PCDHGB6: variants seen among roughly 807,000 people sequenced by gnomAD.
PCDHGB6 encodes the protein protocadherin gamma-B6.
In PCDHGB6, 51 loss-of-function variants were observed where a neutral mutation model predicts 59.1. The observed-to-expected ratio is 0.86, with a 90% CI of 0.69 to 1.09. The LOEUF is 1.09. PCDHGB6 is among the 50% of genes least tolerant of loss of function. The pLI is 0.00. For synonymous variants in PCDHGB6, 466 were observed against 495.1 expected (o/e 0.94, Z 0.78); for missense variants, 1,148 against 1,205.1 (o/e 0.95, Z 0.70).
chr5:141,470,021 C>T (rs111919483), intron 1 of PCDHGB6, among the ~76,000 whole-genome samples: 8 of 152,156 alleles, frequency 5.3e-5, no homozygotes, highest in African/African-American at 1.9e-4. Flanking sequence ...CCCAGCTACT[C>T]GGGATGCTGA....
At chr5:141,436,331 T>A (rs919524287) in intron 1 of PCDHGB6, among the ~76,000 whole-genome samples, 1 of 152,198 alleles carries the variant, frequency 6.6e-6, no homozygotes, top group Non-Finnish European at 1.5e-5. Flanking sequence ...TTAGACCATA[T>A]CTCAAATATC....
intron 1 of PCDHGB6, chr5:141,430,951 C>T (rs200771871): frequency 3.2e-5 from 51 of 1,610,496 alleles, no homozygotes; most frequent in African/African-American, 1.5e-4. Context: ...AGCGCGGAGT[C>T]CGCATCATCC....
intron 1 of PCDHGB6, chr5:141,424,602 T>G (rs2154550827): frequency 6.6e-6 from 1 of 152,334 alleles, no homozygotes; most frequent in African/African-American, 2.4e-5. Flanking sequence ...GTCTACAGAT[T>G]TATTCAAATA....
In PCDHGB6 at chr5:141,511,421, G is replaced by A. The variant is rs1289887363; in HGVS notation, c.*248G>A. 19 of 829,148 alleles carry A rather than the reference G, an allele frequency of 2.3e-5. No individual in the cohort carries two copies. The highest frequency in any genetic ancestry group is 3.8e-4 in the Middle Eastern group (1 of 2,640). 51.4% of individuals were successfully genotyped at this position (829,148 alleles called of 1,614,324 possible). On this transcript the variant is annotated 3_prime_UTR_variant, in exon 4 of 4. Coordinates refer to ENST00000520790, the MANE Select transcript of PCDHGB6 (RefSeq NM_018926.3). The stretch of plus-strand genomic sequence containing the variant: ...CCAATCAACTGCTGTACCCATGGGG[G>A]TAGTGGGGTTACTGTAGACACCAAG...
chr5:141,420,974 T>C, intron 1 of PCDHGB6: 1 of 460,696 alleles, frequency 2.2e-6, no homozygotes, highest in Non-Finnish European at 3.8e-6. Flanking sequence ...ATAATAAGAA[T>C]GGGCTCTAGG....
intron 1 of PCDHGB6, among the ~76,000 whole-genome samples, chr5:141,483,322 G>C (rs1325809962): frequency 1.3e-5 from 2 of 152,110 alleles, no homozygotes. Flanking sequence ...TGGGACTGGA[G>C]GCAAAGAGAT....
intron 1 of PCDHGB6, among the ~76,000 whole-genome samples, chr5:141,450,572 T>A (rs1276283357): frequency 6.6e-6 from 1 of 151,710 alleles, no homozygotes; most frequent in African/African-American, 2.4e-5. Flanking sequence ...CTGCAACTTC[T>A]GCCTCCCAGG....
At chr5:141,507,084 T>G (rs2099858284) in intron 3 of PCDHGB6, 1 of 152,142 alleles carries the variant, frequency 6.6e-6, no homozygotes, top group African/African-American at 2.4e-5. Flanking sequence ...ACTCCTAAGT[T>G]TATGCTCTTT....
chr5:141,444,152 ATTTTTTTTTTTTTTTTTTTTTTTTT>A (rs747671382), intron 1 of PCDHGB6, among the ~76,000 whole-genome samples: 1 of 33,882 alleles, frequency 3.0e-5, no homozygotes, highest in Non-Finnish European at 5.2e-5. Context: ...TGTGTACTGG[ATTTTTTTTTTTTTTTTTTTTTTTTT>A]TTTTTTTTTT....
chr5:141,421,194 C>G, intron 1 of PCDHGB6: 1 of 1,498,922 alleles, frequency 6.7e-7, no homozygotes, highest in South Asian at 1.3e-5. Context: ...CCAACCAGCT[C>G]GAGAAACCGC....
In PCDHGB6 at chr5:141,512,243, C is replaced by T. The variant is rs1205585993; in HGVS notation, c.*1070C>T. ...AGGTCCCCTTGAGAGGTCAGAGGGG[C>T]CTCTGTGGGTGCTGGGTACTCCAGA... On this transcript the variant is annotated 3_prime_UTR_variant, in exon 4 of 4. Transcript: ENST00000520790. 2 of 152,728 alleles carry T rather than the reference C, an allele frequency of 1.3e-5. No homozygotes were observed. The highest frequency in any genetic ancestry group is 1.5e-5 in the Non-Finnish European group (1 of 68,138). 9.5% of individuals were successfully genotyped at this position (152,728 alleles called of 1,614,324 possible).
chr5:141,466,669 C>T lies in PCDHGB6; in HGVS notation c.2419-28138C>T, dbSNP rs529252130. The stretch of plus-strand genomic sequence containing the variant: ...TTTCACAAAACATCAGTGATTTCAC[C>T]GTTCTTCCACTCAAGCTTCATCATA... On this transcript the variant is annotated intron_variant, in intron 1 of 3. Transcript: ENST00000520790. Among the ~76,000 whole-genome samples the T allele has an allele frequency of 8.5e-5, 13 of 152,278 alleles. No homozygotes were observed. The East Asian group carries it at 9.6e-4, about 11-fold the overall frequency.
chr5:141,490,130 C>A lies in PCDHGB6; in HGVS notation c.2419-4677C>A, dbSNP rs535362535. On this transcript the variant is annotated intron_variant, in intron 1 of 3. Coordinates refer to ENST00000520790, the MANE Select transcript of PCDHGB6 (RefSeq NM_018926.3). The surrounding 1 kb of genome is among the most constrained non-coding windows in gnomAD (Gnocchi z 5.4). ...GTGCGGAACCTCTTTGGCCTAGACC[C>A]TAGCAGTGGGGCAATCCATGTGTTG... 11 of 1,614,242 alleles carry A rather than the reference C, an allele frequency of 6.8e-6. No individual in the cohort carries two copies. In the African/African-American group the frequency reaches 1.3e-4, roughly 20 times the overall value.
Position 141,485,992 on chromosome 5 carries a change from C to T in PCDHGB6, c.2419-8815C>T. The T allele has an allele frequency of 6.2e-7, 1 of 1,614,156 alleles. No individual in the cohort carries two copies. The highest frequency in any genetic ancestry group is 2.2e-5 in the East Asian group (1 of 44,870). On this transcript the variant is annotated intron_variant, in intron 1 of 3. Coordinates refer to ENST00000520790, the MANE Select transcript of PCDHGB6 (RefSeq NM_018926.3). The surrounding 1 kb of genome is among the most constrained non-coding windows in gnomAD (Gnocchi z 5.7). ...ATGCCTCAGACCCGGACCTGGGTCC[C>T]AGTGGTAACGTCACCTTTTATTTCA...
At chr5:141,427,869 AC>A in intron 1 of PCDHGB6, 1 of 1,559,604 alleles carries the variant, frequency 6.4e-7, no homozygotes, top group Non-Finnish European at 8.8e-7. Context: ...CTTCGAGCTC[AC>A]GATGCAGGCC....
chr5:141,490,279 G>A lies in PCDHGB6; in HGVS notation c.2419-4528G>A, dbSNP rs1344083401. The A allele has an allele frequency of 5.6e-6, 9 of 1,614,228 alleles. No individual in the cohort carries two copies. In the East Asian group the frequency reaches 1.8e-4, roughly 32 times the overall value. On this transcript the variant is annotated intron_variant, in intron 1 of 3. Coordinates refer to ENST00000520790, the MANE Select transcript of PCDHGB6 (RefSeq NM_018926.3). This position sits in a 1 kb window ranked among gnomAD's most constrained non-coding sequence, Gnocchi z 5.4. ...GGATGTGGGGGATGTCAATGACAAT[G>A]CCCCAGAGGTGCTATTGGCCTCTTT...
intron 1 of PCDHGB6, among the ~76,000 whole-genome samples, chr5:141,445,553 A>T (rs948468877): frequency 1.3e-5 from 2 of 152,252 alleles, no homozygotes; most frequent in Non-Finnish European, 1.5e-5. Context: ...ATACAAAAGC[A>T]CTAAGAGAAA....
At chr5:141,426,033 C>G (rs978171140) in intron 1 of PCDHGB6, among the ~76,000 whole-genome samples, 14 of 152,162 alleles carry the variant, frequency 9.2e-5, no homozygotes, top group African/African-American at 3.1e-4. Context: ...AGACTCAGAG[C>G]CCTGCTGTTG....
chr5:141,420,335 A>G (rs2096490280), intron 1 of PCDHGB6: 1 of 1,403,918 alleles, frequency 7.1e-7, no homozygotes, highest in Non-Finnish European at 9.5e-7. Flanking sequence ...ATATTCCAAT[A>G]TAGTGGTATT....
Sources: gnomAD v4.1 joint callset for allele counts (sites outside exome capture counted in the v4.1 genomes callset) on GRCh38, gnomAD v4.1.1 for gene constraint, Gnocchi (gnomAD v3.1) non-coding constraint, MANE v1.5 for transcripts, NCBI Gene and HGNC (gene_info 2026-07-23, HGNC 2026-07-21) for gene names.